The following ARID5B variants were observed in gnomAD, a reference collection of about 807,000 sequenced individuals.
The protein encoded by ARID5B is AT-rich interactive domain-containing protein 5B.
In ARID5B, 13 loss-of-function variants were observed where a neutral mutation model predicts 97.2. The observed-to-expected ratio is 0.13, with a 90% CI of 0.09 to 0.21. The LOEUF (loss-of-function observed/expected upper bound fraction) is 0.21, where lower values mean the gene tolerates loss of function less well. Ranked by LOEUF, ARID5B falls within the 10% of genes least tolerant of loss-of-function variation. The probability of loss-of-function intolerance (pLI) is 1.00; values close to 1 mark genes in which losing one functional copy is unlikely to be tolerated. For synonymous variants in ARID5B, 556 were observed against 570.3 expected (o/e 0.97, Z 0.36); for missense variants, 1,210 against 1,465.3 (o/e 0.83, Z 2.84).
At chr10:62,049,430 G>T (rs1381074704) in intron 4 of ARID5B, 2 of 1,550,480 alleles carry the variant, frequency 1.3e-6, no homozygotes, top group East Asian at 4.9e-5. Flanking sequence ...GTCACATGCT[G>T]TAGCTTTCAT....
At position 61,905,551 on chromosome 10, in the gene ARID5B, G is replaced by A. The variant is rs570470831; in HGVS notation, c.276+3138G>A. 3.3e-5 allele frequency among the ~76,000 whole-genome samples: 5 copies of A among 151,942 alleles called. No homozygotes were observed. In the South Asian group the frequency reaches 6.2e-4, roughly 19 times the overall value. On this transcript the variant is annotated intron_variant, in intron 2 of 9. Transcript: ENST00000279873. The stretch of plus-strand genomic sequence containing the variant: ...ATTTTACAGATGGGGACATAGACTC[G>A]GAAAGGTTATGTGGTTTGTCAAAGG...
chr10:61,983,024 G>A (rs564538181), intron 3 of ARID5B, among the ~76,000 whole-genome samples: 29 of 152,144 alleles, frequency 1.9e-4, no homozygotes, highest in Non-Finnish European at 3.8e-4. Flanking sequence ...CTCTTTCTTG[G>A]CTGCCTAGAA....
chr10:61,921,728 T>C (rs1298508388), intron 2 of ARID5B, among the ~76,000 whole-genome samples: 1 of 152,234 alleles, frequency 6.6e-6, no homozygotes, highest in African/African-American at 2.4e-5. Flanking sequence ...GGCCACCTAT[T>C]ACAGCTGGCA....
At chr10:62,087,320 G>GAAAAAAAAAAAAAAAAAAA (rs1589292422) in intron 9 of ARID5B, among the ~76,000 whole-genome samples, 9 of 76,020 alleles carry the variant, frequency 1.2e-4, no homozygotes, top group East Asian at 6.5e-4. Flanking sequence ...AAAAAAAAAG[G>GAAAAAAAAAAAAAAAAAAA]AAAAAAGATC....
intron 3 of ARID5B, among the ~76,000 whole-genome samples, chr10:61,940,967 T>TATATATA (rs1564608344): frequency 4.6e-5 from 1 of 21,582 alleles, no homozygotes; most frequent in Non-Finnish European, 8.6e-5. Flanking sequence ...ATATATATAT[T>TATATATA]TTTTTTTTTT....
chr10:62,024,097 C>T (rs764331072), intron 4 of ARID5B, among the ~76,000 whole-genome samples: 2 of 152,172 alleles, frequency 1.3e-5, no homozygotes, highest in Non-Finnish European at 2.9e-5. Context: ...ATCTGTACTT[C>T]TTTCTGTCAA....
intron 4 of ARID5B, among the ~76,000 whole-genome samples, chr10:62,026,913 T>C (rs1430870069): frequency 2.0e-5 from 3 of 152,180 alleles, no homozygotes; most frequent in South Asian, 4.1e-4. Context: ...TGAAGAGTCA[T>C]ATATTAAAAT....
At chr10:61,964,153 A>C (rs1445195687) in intron 3 of ARID5B, among the ~76,000 whole-genome samples, 1 of 152,150 alleles carries the variant, frequency 6.6e-6, no homozygotes, top group East Asian at 1.9e-4. Context: ...CACAAACCTC[A>C]GGGCCACGAT....
intron 4 of ARID5B, among the ~76,000 whole-genome samples, chr10:62,026,516 A>C (rs1418769834): frequency 6.6e-6 from 1 of 152,250 alleles, no homozygotes; most frequent in Admixed American, 6.5e-5. Flanking sequence ...GTACTCCAAT[A>C]GAGCTAAATG....
intron 4 of ARID5B, among the ~76,000 whole-genome samples, chr10:62,033,177 C>T (rs1192430841): frequency 6.6e-6 from 1 of 152,142 alleles, no homozygotes; most frequent in Admixed American, 6.5e-5. Context: ...TTCCAATGAG[C>T]CTCGGGACTT....
intron 7 of ARID5B, among the ~76,000 whole-genome samples, chr10:62,064,404 T>C (rs1839959984): frequency 6.6e-6 from 1 of 152,188 alleles, no homozygotes; most frequent in Non-Finnish European, 1.5e-5. Context: ...TCAGGCAAAC[T>C]CTTCTGTTGA....
At chr10:62,004,536 A>C (rs1175530057) in intron 4 of ARID5B, among the ~76,000 whole-genome samples, 1 of 152,226 alleles carries the variant, frequency 6.6e-6, no homozygotes, top group East Asian at 1.9e-4. Flanking sequence ...TATTCTGTGC[A>C]TAATTCCTGC....
chr10:61,978,569 C>G (rs185764519), intron 3 of ARID5B, among the ~76,000 whole-genome samples: 2,467 of 152,272 alleles, frequency 0.016, 60 homozygotes, highest in African/African-American at 0.051. Flanking sequence ...TTGAAGAGGT[C>G]CTTCACATCC....
chr10:62,004,835 C>G (rs1019595647), intron 4 of ARID5B, among the ~76,000 whole-genome samples: 2 of 152,156 alleles, frequency 1.3e-5, no homozygotes, highest in African/African-American at 4.8e-5. Flanking sequence ...CAGAGGCACA[C>G]TCAGTACAGT....
intron 3 of ARID5B, among the ~76,000 whole-genome samples, chr10:61,954,486 A>T (rs1259686747): frequency 6.6e-6 from 1 of 152,214 alleles, no homozygotes; most frequent in Non-Finnish European, 1.5e-5. Flanking sequence ...TTAGATCATG[A>T]TTAACAGCTG....
intron 2 of ARID5B, among the ~76,000 whole-genome samples, chr10:61,910,826 G>A (rs1843791161): frequency 6.6e-6 from 1 of 152,180 alleles, no homozygotes; most frequent in African/African-American, 2.4e-5. Flanking sequence ...CGCAGACTAG[G>A]ATGGGTGGTT....
In ARID5B at chr10:62,000,047, G is replaced by C. The variant is rs1172806271; in HGVS notation, c.503-44G>C. The C allele has an allele frequency of 6.3e-7, 1 of 1,581,394 alleles. No homozygotes were observed. Among genetic ancestry groups the C allele is most frequent in the South Asian group, 1.1e-5 (1 of 90,244 alleles). The stretch of plus-strand genomic sequence containing the variant: ...TATACCATGGCCATGAAAGTTCTTT[G>C]TCAGAGGGAAGAGGGTAATGGAAGT... On this transcript the variant is annotated intron_variant, in intron 3 of 9. Transcript: ENST00000279873. The surrounding 1 kb of genome is among the most constrained non-coding windows in gnomAD (Gnocchi z 4.4).
chr10:62,000,523 G>T lies in ARID5B; in HGVS notation c.733+202G>T, dbSNP rs547646844. 1.3e-5 allele frequency among the ~76,000 whole-genome samples: 2 copies of T among 151,252 alleles called. No homozygotes were observed. The highest frequency in any genetic ancestry group is 3.9e-4 in the East Asian group (2 of 5,108). ...CCTCTGTTTACTATGAGTAAGAGAT[G>T]ATTATTTATAATTTGTTGTTCAATG... On this transcript the variant is annotated intron_variant, in intron 4 of 9. Coordinates refer to ENST00000279873, the MANE Select transcript of ARID5B (RefSeq NM_032199.3). This position sits in a 1 kb window ranked among gnomAD's most constrained non-coding sequence, Gnocchi z 4.4.
intron 2 of ARID5B, among the ~76,000 whole-genome samples, chr10:61,926,408 T>G (rs1343288642): frequency 6.6e-6 from 1 of 151,896 alleles, no homozygotes; most frequent in African/African-American, 2.4e-5. Context: ...CCACTTCAGT[T>G]TTTTCATCTC....
Sources: gnomAD v4.1 joint callset for allele counts (sites outside exome capture counted in the v4.1 genomes callset) on GRCh38, gnomAD v4.1.1 for gene constraint, Gnocchi (gnomAD v3.1) non-coding constraint, MANE v1.5 for transcripts, NCBI Gene and HGNC (gene_info 2026-07-23, HGNC 2026-07-21) for gene names.